The following PBRM1 variants were observed in gnomAD, a reference collection of about 807,000 sequenced individuals.
PBRM1 encodes the protein protein polybromo-1.
A neutral mutation model predicts 194.5 loss-of-function variants in PBRM1; 27 were observed. That is an observed-to-expected ratio of 0.14 (90% CI 0.10 to 0.19). PBRM1 has a LOEUF of 0.19. Among genes scored for constraint, PBRM1 ranks in the 10% least tolerant of loss-of-function variants. PBRM1 has a pLI of 1.00. For synonymous variants in PBRM1, 655 were observed against 693.2 expected, an observed-to-expected ratio of 0.94 and a Z score of 0.87; for missense variants, 1,466 against 2,077.2, an observed-to-expected ratio of 0.71 and a Z score of 5.72.
chr3:52,614,564 T>C (rs1181713606), intron 15 of PBRM1, among the ~76,000 whole-genome samples: 3 of 151,318 alleles, frequency 2.0e-5, no homozygotes, highest in Non-Finnish European at 4.4e-5. Context: ...TCCAACCTTT[T>C]TCTTCCCTTT....
At chr3:52,680,852 G>T (rs1222142235), upstream of PBRM1, among the ~76,000 whole-genome samples, 1 of 151,810 alleles carries the variant, frequency 6.6e-6, no homozygotes, top group East Asian at 2.0e-4. Flanking sequence ...GTAGAGACGG[G>T]GTTTCACCAT....
chr3:52,661,521 T>C (rs1346018995), intron 4 of PBRM1, among the ~76,000 whole-genome samples: 1 of 152,108 alleles, frequency 6.6e-6, no homozygotes, highest in African/African-American at 2.4e-5. Flanking sequence ...AACCCTGTGA[T>C]GACAGGGTGG....
intron 6 of PBRM1, 71 bp from the exon 8 acceptor site, chr3:52,648,513 C>G: frequency 1.3e-6 from 1 of 758,750 alleles, no homozygotes; most frequent in Non-Finnish European, 2.2e-6. Context: ...AAAAAAAGAA[C>G]CCCACATATT....
intron 23 of PBRM1, among the ~76,000 whole-genome samples, chr3:52,563,704 A>G (rs756222480): frequency 1.3e-5 from 2 of 151,082 alleles, no homozygotes; most frequent in African/African-American, 2.4e-5. Flanking sequence ...AATATCCACA[A>G]AAGTATTGTG....
At chr3:52,638,900 T>G (rs1316248150) in intron 10 of PBRM1, among the ~76,000 whole-genome samples, 1 of 150,906 alleles carries the variant, frequency 6.6e-6, no homozygotes. Context: ...TTTTTATTCT[T>G]GAATCCATTT....
At chr3:52,656,104 T>C (rs2096602784) in intron 5 of PBRM1, among the ~76,000 whole-genome samples, 1 of 152,216 alleles carries the variant, frequency 6.6e-6, no homozygotes, top group Non-Finnish European at 1.5e-5. Flanking sequence ...GCTGAGGCCA[T>C]GAAAATGTTT....
At chr3:52,679,793 A>G (rs1336553911), upstream of PBRM1, 4 of 1,235,848 alleles carry the variant, frequency 3.2e-6, no homozygotes, top group Non-Finnish European at 4.5e-6. Context: ...TCAGCTGGAC[A>G]CCTGCTACCA....
At chr3:52,656,113 T>G (rs2096602957) in intron 5 of PBRM1, among the ~76,000 whole-genome samples, 1 of 152,234 alleles carries the variant, frequency 6.6e-6, no homozygotes, top group African/African-American at 2.4e-5. Flanking sequence ...ATGAAAATGT[T>G]TGCAGTTTCA....
At position 52,661,049 on chromosome 3, in the gene PBRM1, G is replaced by GAGATTTTTTTTTGA. The variant is rs2096713415; in HGVS notation, c.528+1083_528+1084insTCAAAAAAAAATCT. Reference sequence around the variant, plus strand: ...TCTGTCTTTCATTTTTTTTTGAGATGGAGTCTCATTCTGTCGCCCAGTCTG... The same window carrying GAGATTTTTTTTTGA: ...TCTGTCTTTCATTTTTTTTTGAGATGAGATTTTTTTTTGAGAGTCTCATTCTGTCGCCCAGTCTG... On this transcript the variant is annotated intron_variant, in intron 4 of 29. Coordinates refer to ENST00000296302, the Ensembl canonical transcript of PBRM1. Among the ~76,000 whole-genome samples, 4 of 150,750 alleles carry GAGATTTTTTTTTGA rather than the reference G, an allele frequency of 2.7e-5. No individual in the cohort carries two copies. The South Asian group carries it at 8.4e-4, about 32-fold the overall frequency.
intron 2 of PBRM1, among the ~76,000 whole-genome samples, chr3:52,674,710 GTTA>G (rs1370754505): frequency 7.1e-6 from 1 of 141,838 alleles, no homozygotes; most frequent in Non-Finnish European, 1.5e-5. Flanking sequence ...CATTACATAC[GTTA>G]TTTTTTAATA....
At chr3:52,555,464 G>A (rs2153435334) in intron 26 of PBRM1, among the ~76,000 whole-genome samples, 1 of 152,356 alleles carries the variant, frequency 6.6e-6, no homozygotes. Context: ...TTGGGCTTGA[G>A]TTGGGGAACA....
chr3:52,643,319 G>C, exon 9 of PBRM1: 2 of 1,613,770 alleles, frequency 1.2e-6, no homozygotes, highest in East Asian at 2.2e-5. Flanking sequence ...CTGTCAGTCT[G>C]GCTGCAGCCA....
chr3:52,596,177 C>T lies in PBRM1; in HGVS notation c.2780-6922G>A, dbSNP rs528527891. On this transcript the variant is annotated intron_variant, in intron 17 of 29. Coordinates refer to ENST00000296302, the Ensembl canonical transcript of PBRM1. ...GATTGTGGCTGGGCGCGGTGGCTCA[C>T]GCCTGTAATCCCAGCACTTTGGGAG... Among the ~76,000 whole-genome samples the T allele has an allele frequency of 7.1e-3, 1,076 of 152,050 alleles. 10 individuals carry two copies. The highest frequency in any genetic ancestry group is 0.01 in the Non-Finnish European group (696 of 67,970).
chr3:52,662,877 A>T (rs2096754496), intron 3 of PBRM1, among the ~76,000 whole-genome samples: 2 of 151,838 alleles, frequency 1.3e-5, no homozygotes, highest in South Asian at 4.1e-4. Flanking sequence ...TATTACTAAT[A>T]CACTAAGAAA....
chr3:52,667,702 G>T (rs1016412436), intron 3 of PBRM1, among the ~76,000 whole-genome samples: 44 of 144,298 alleles, frequency 3.0e-4, no homozygotes, highest in Non-Finnish European at 4.9e-4. Context: ...GCAGTGAGCT[G>T]AGATCGTGCC....
intron 17 of PBRM1, among the ~76,000 whole-genome samples, chr3:52,594,885 T>C (rs1013146494): frequency 1.3e-5 from 2 of 152,162 alleles, no homozygotes; most frequent in African/African-American, 4.8e-5. Flanking sequence ...TTAAGAATGT[T>C]GAATATAGGC....
At chr3:52,546,082 G>A (rs930644455), downstream of PBRM1, 11 of 232,962 alleles carry the variant, frequency 4.7e-5, no homozygotes, top group African/African-American at 2.2e-4. Flanking sequence ...CTGGGAAGGA[G>A]CCTGGAGGAG....
exon 5 of PBRM1, chr3:52,658,249 G>T: frequency 6.2e-7 from 1 of 1,612,998 alleles, no homozygotes. Context: ...CGTCCTGATG[G>T]ATTTGTAGCT....
At chr3:52,575,548 C>T (rs543985978) in intron 22 of PBRM1, among the ~76,000 whole-genome samples, 2 of 117,790 alleles carry the variant, frequency 1.7e-5, no homozygotes, top group South Asian at 5.7e-4. Context: ...CAGTCTTGCT[C>T]TGTCATCCAG....
Sources: gnomAD v4.1 joint callset for allele counts (sites outside exome capture counted in the v4.1 genomes callset) on GRCh38, gnomAD v4.1.1 for gene constraint, MANE v1.5 for transcripts, NCBI Gene and HGNC (gene_info 2026-07-23, HGNC 2026-07-21) for gene names.